The following SIPA1L3 variants were observed in gnomAD, a reference collection of about 807,000 sequenced individuals.
SIPA1L3 encodes the protein signal induced proliferation associated 1 like 3.
A neutral mutation model predicts 150.1 loss-of-function variants in SIPA1L3; 59 were observed. The ratio of observed to expected loss-of-function variants is 0.39; its 90% CI spans 0.32 to 0.49. SIPA1L3 has a LOEUF of 0.49. Ranked by LOEUF, SIPA1L3 falls within the 20% of genes least tolerant of loss-of-function variation. SIPA1L3 has a pLI of 0.86. For missense variants in SIPA1L3, 2,211 were observed against 2,489.5 expected, an observed-to-expected ratio of 0.89 and a Z score of 2.38; for synonymous variants, 1,070 against 1,077.6, an observed-to-expected ratio of 0.99 and a Z score of 0.14.
rs147600363 is a variant in SIPA1L3, at chr19:37,921,470, C to A, written c.-379+14112C>A. 9.1e-3 allele frequency among the ~76,000 whole-genome samples: 1,382 copies of A among 152,272 alleles called. 12 individuals carry two copies. Among genetic ancestry groups the A allele is most frequent in the Middle Eastern group, 0.027 (8 of 294 alleles). ...TGTTGCATCTGATGGTGAGCTCTTT[C>A]CTCTGGTGCCCCGTTTTTCTATGCT... On this transcript the variant is annotated intron_variant, in intron 1 of 21. Transcript: ENST00000222345.
chr19:38,181,123 A>G (rs1309126387), intron 15 of SIPA1L3, among the ~76,000 whole-genome samples: 6 of 152,072 alleles, frequency 3.9e-5, no homozygotes, highest in Admixed American at 2.0e-4. Context: ...AAATGCGACA[A>G]ATTTCCTCTG....
intron 1 of SIPA1L3, among the ~76,000 whole-genome samples, chr19:37,975,382 G>A (rs993104538): frequency 6.6e-6 from 1 of 152,092 alleles, no homozygotes; most frequent in African/African-American, 2.4e-5. Context: ...CTTCCAGGGG[G>A]AACTGGAAAG....
At position 38,055,945 on chromosome 19, in the gene SIPA1L3, C is replaced by T. The variant is rs540814391; in HGVS notation, c.-310-25311C>T. 3.5e-4 allele frequency among the ~76,000 whole-genome samples: 54 copies of T among 152,290 alleles called. 1 individual carries two copies. In the East Asian group the frequency reaches 9.7e-3, roughly 27 times the overall value. Reference sequence around the variant, plus strand: ...GGGTTTTCTTCAAGTGGAGCCCAGCCGAACTAGCCGATTGACTGCCAGAGC... The same window carrying T: ...GGGTTTTCTTCAAGTGGAGCCCAGCTGAACTAGCCGATTGACTGCCAGAGC... On this transcript the variant is annotated intron_variant, in intron 2 of 21. Coordinates refer to ENST00000222345, the MANE Select transcript of SIPA1L3 (RefSeq NM_015073.3).
At chr19:38,063,723 G>A (rs1333872203) in intron 2 of SIPA1L3, among the ~76,000 whole-genome samples, 2 of 152,206 alleles carry the variant, frequency 1.3e-5, no homozygotes, top group Admixed American at 6.5e-5. Flanking sequence ...GAGCAGGCCC[G>A]CAGGCTGGGT....
chr19:38,181,516 C>T (rs1252585099), intron 15 of SIPA1L3, among the ~76,000 whole-genome samples: 3 of 151,490 alleles, frequency 2.0e-5, no homozygotes, highest in Non-Finnish European at 4.4e-5. Context: ...CCACAAAATG[C>T]CCCCTTTTAT....
chr19:37,988,352 A>C (rs571680104), intron 1 of SIPA1L3, among the ~76,000 whole-genome samples: 3 of 152,088 alleles, frequency 2.0e-5, no homozygotes, highest in Non-Finnish European at 2.9e-5. Flanking sequence ...CTGTCTCTAC[A>C]AAAAATTTTA....
chr19:38,059,270 G>T (rs1214753090), intron 2 of SIPA1L3, among the ~76,000 whole-genome samples: 1 of 147,998 alleles, frequency 6.8e-6, no homozygotes, highest in South Asian at 2.1e-4. Flanking sequence ...CAAAGGGCTT[G>T]TATTACAGGT....
intron 10 of SIPA1L3, among the ~76,000 whole-genome samples, chr19:38,138,279 A>G (rs909831330): frequency 2.1e-4 from 32 of 152,174 alleles, no homozygotes; most frequent in Non-Finnish European, 4.0e-4. Context: ...AAATATTTAA[A>G]TCCAACTTCT....
chr19:37,927,334 T>C (rs1254705159), intron 1 of SIPA1L3, among the ~76,000 whole-genome samples: 2 of 151,986 alleles, frequency 1.3e-5, no homozygotes, highest in Admixed American at 1.3e-4. Flanking sequence ...TATTTTTTAG[T>C]AGAGATTGGA....
At chr19:38,094,965 C>A (rs1438641132) in intron 4 of SIPA1L3, among the ~76,000 whole-genome samples, 1 of 152,092 alleles carries the variant, frequency 6.6e-6, no homozygotes, top group Non-Finnish European at 1.5e-5. Context: ...TACCTGTAAT[C>A]CCAGGAGGCT....
chr19:38,082,002 C>T lies in SIPA1L3; in HGVS notation c.437C>T (p.Ser146Phe). ...TTCCACCGACTCTCCAGGAGAAGGTCCAAAGACGTGGAGTTCCAGGACGGG... is the reference window on the plus strand; with the variant it reads ...TTCCACCGACTCTCCAGGAGAAGGTTCAAAGACGTGGAGTTCCAGGACGGG... ...KAFHRLSRRR[S>F]KDVEFQDGWP... Residue 146 changes from serine to phenylalanine, a missense_variant, in exon 3 of 22, where the codon TCC becomes TTC. By Grantham distance (155) the Ser-to-Phe change is radical. Transcript: ENST00000222345. 2.0e-5 allele frequency: 32 copies of T among 1,614,210 alleles called. No individual in the cohort carries two copies. Among genetic ancestry groups the T allele is most frequent in the Non-Finnish European group, 2.7e-5 (32 of 1,180,016 alleles).
chr19:37,962,057 C>T (rs753416450), intron 1 of SIPA1L3, among the ~76,000 whole-genome samples: 4 of 151,616 alleles, frequency 2.6e-5, no homozygotes, highest in African/African-American at 7.3e-5. Flanking sequence ...ACTTGTAAGC[C>T]GTCTAGAAGG....
At chr19:38,193,500 C>A in intron 17 of SIPA1L3, 37 bp from the exon 18 acceptor site, 1 of 1,431,682 alleles carries the variant, frequency 7.0e-7, no homozygotes, top group South Asian at 1.5e-5. Flanking sequence ...ATGAGCCAGT[C>A]TGTGACCTCC....
intron 1 of SIPA1L3, among the ~76,000 whole-genome samples, chr19:37,956,786 A>C (rs1046010971): frequency 5.3e-5 from 8 of 152,140 alleles, no homozygotes; most frequent in African/African-American, 1.9e-4. Context: ...GCCCACCCTA[A>C]TATAAAAGTT....
At chr19:38,170,142 C>A (rs1315156857) in intron 15 of SIPA1L3, among the ~76,000 whole-genome samples, 1 of 152,074 alleles carries the variant, frequency 6.6e-6, no homozygotes, top group Non-Finnish European at 1.5e-5. Flanking sequence ...GAGGGGCTTT[C>A]CTGGAGAAAG....
At position 37,963,569 on chromosome 19, in the gene SIPA1L3, G is replaced by A. The variant is rs375398935; in HGVS notation, c.-379+56211G>A. ...AACTGATGGAGCTGGTGCGTGTGAT[G>A]GGAGGAACCCCAAATTAAACGCCAC... is the stretch of plus-strand genomic sequence containing the variant. On this transcript the variant is annotated intron_variant, in intron 1 of 21. Coordinates refer to ENST00000222345, the MANE Select transcript of SIPA1L3 (RefSeq NM_015073.3). 2.3e-3 allele frequency among the ~76,000 whole-genome samples: 355 copies of A among 152,360 alleles called. 6 individuals carry two copies. In the South Asian group the frequency reaches 0.033, roughly 14 times the overall value.
intron 2 of SIPA1L3, among the ~76,000 whole-genome samples, chr19:38,048,751 C>A (rs923523558): frequency 5.3e-5 from 8 of 152,142 alleles, no homozygotes; most frequent in African/African-American, 1.9e-4. Flanking sequence ...TAGTGACTTG[C>A]GTCCAATTTC....
chr19:38,114,160 C>T (rs1310810059), intron 8 of SIPA1L3, among the ~76,000 whole-genome samples: 1 of 152,124 alleles, frequency 6.6e-6, no homozygotes, highest in Non-Finnish European at 1.5e-5. Flanking sequence ...GTGGCTCATG[C>T]CTGTAATCCC....
Position 38,125,762 on chromosome 19 carries a change from G to T in SIPA1L3, c.2869-4736G>T, listed in dbSNP as rs1202997289. On this transcript the variant is annotated intron_variant, in intron 9 of 21. Coordinates refer to ENST00000222345, the MANE Select transcript of SIPA1L3 (RefSeq NM_015073.3). ...CTGAACTAACGGTATCCCATCACTG[G>T]TTAATTGAATGAGTGTTGTTATGCG... Among the ~76,000 whole-genome samples the T allele has an allele frequency of 4.6e-5, 7 of 152,220 alleles. No homozygotes were observed. In the East Asian group the frequency reaches 1.3e-3, roughly 29 times the overall value.
Sources: gnomAD v4.1 joint callset for allele counts (sites outside exome capture counted in the v4.1 genomes callset) on GRCh38, gnomAD v4.1.1 for gene constraint, MANE v1.5 for transcripts, NCBI Gene and HGNC (gene_info 2026-07-23, HGNC 2026-07-21) for gene names.